Variants in RCOR1 observed in about 807,000 individuals in gnomAD.
RCOR1 encodes REST corepressor 1.
RCOR1 carries 12 observed loss-of-function variants against 64.0 expected under a neutral mutation model. The ratio of observed to expected loss-of-function variants is 0.19; its 90% CI spans 0.12 to 0.30. RCOR1 has a LOEUF of 0.30. Among genes scored for constraint, RCOR1 ranks in the 10% least tolerant of loss-of-function variants. The pLI, the probability that RCOR1 is intolerant of heterozygous loss-of-function variation, is 1.00. For synonymous variants in RCOR1, 279 were observed against 227.2 expected (o/e 1.23, Z -2.05); for missense variants, 502 against 621.2 (o/e 0.81, Z 2.04).
At chr14:102,603,133 G>A (rs1002591281) in intron 2 of RCOR1, among the ~76,000 whole-genome samples, 1 of 151,638 alleles carries the variant, frequency 6.6e-6, no homozygotes, top group African/African-American at 2.4e-5. Flanking sequence ...AGGCTGGAGT[G>A]CAGTGGCGTG....
intron 3 of RCOR1, among the ~76,000 whole-genome samples, chr14:102,699,339 G>A (rs1286353772): frequency 1.3e-5 from 2 of 152,182 alleles, no homozygotes; most frequent in Non-Finnish European, 2.9e-5. Flanking sequence ...TCGGAAATTA[G>A]TGGCTTAGTA....
intron 2 of RCOR1, among the ~76,000 whole-genome samples, chr14:102,635,008 T>C (rs907429104): frequency 6.6e-6 from 1 of 151,624 alleles, no homozygotes; most frequent in Non-Finnish European, 1.5e-5. Flanking sequence ...ATGCCTGGCC[T>C]TTTTTTAAAG....
intron 2 of RCOR1, among the ~76,000 whole-genome samples, chr14:102,673,842 C>T (rs1261509534): frequency 1.3e-5 from 2 of 152,040 alleles, no homozygotes; most frequent in African/African-American, 2.4e-5. Flanking sequence ...CTCGAACTCC[C>T]GACTTCAGGT....
At chr14:102,599,431 CATT>C (rs1222532497) in intron 2 of RCOR1, among the ~76,000 whole-genome samples, 1 of 152,082 alleles carries the variant, frequency 6.6e-6, no homozygotes, top group Non-Finnish European at 1.5e-5. Flanking sequence ...CGTGTTCAGC[CATT>C]ATTATTACTA....
At chr14:102,597,069 C>T (rs1401642279) in intron 2 of RCOR1, among the ~76,000 whole-genome samples, 1 of 151,720 alleles carries the variant, frequency 6.6e-6, no homozygotes, top group African/African-American at 2.4e-5. Context: ...GACGGGGTTT[C>T]ACCATATTGG....
intron 2 of RCOR1, among the ~76,000 whole-genome samples, chr14:102,593,752 A>G (rs1441914689): frequency 2.6e-5 from 4 of 152,064 alleles, no homozygotes; most frequent in Non-Finnish European, 5.9e-5. Flanking sequence ...ACCCTTCCCA[A>G]AGGCTGCTCC....
At chr14:102,642,532 A>G (rs1894390267) in intron 2 of RCOR1, among the ~76,000 whole-genome samples, 1 of 152,160 alleles carries the variant, frequency 6.6e-6, no homozygotes, top group African/African-American at 2.4e-5. Context: ...TAATAGTTAA[A>G]CTTGTTCAGA....
chr14:102,723,325 C>G lies in RCOR1; in HGVS notation c.1419+909C>G, dbSNP rs542709109. On this transcript the variant is annotated intron_variant, in intron 11 of 11. Transcript: ENST00000262241. ...TCTGGAAACAGCCCAGAAGGCCCCT[C>G]CTGACCTGAGCATGGAAGTACCTCG... is the stretch of plus-strand genomic sequence containing the variant. Among the ~76,000 whole-genome samples the G allele has an allele frequency of 3.9e-5, 6 of 152,352 alleles. No individual in the cohort carries two copies. The East Asian group carries it at 1.2e-3, about 29-fold the overall frequency.
chr14:102,633,571 G>A (rs1164559308), intron 2 of RCOR1, among the ~76,000 whole-genome samples: 2 of 151,854 alleles, frequency 1.3e-5, no homozygotes, highest in African/African-American at 4.8e-5. Context: ...ACGGAGTTTT[G>A]CTCTGTCACC....
At chr14:102,665,396 T>C (rs1000982111) in intron 2 of RCOR1, among the ~76,000 whole-genome samples, 1 of 151,798 alleles carries the variant, frequency 6.6e-6, no homozygotes, top group African/African-American at 2.4e-5. Context: ...TCTGAGCATG[T>C]TTAAGGTAGG....
At chr14:102,663,802 G>T (rs1193591188) in intron 2 of RCOR1, among the ~76,000 whole-genome samples, 1 of 152,186 alleles carries the variant, frequency 6.6e-6, no homozygotes, top group East Asian at 1.9e-4. Context: ...TTTGACGATC[G>T]TATGTGGCGA....
At chr14:102,711,353 G>A (rs1933257660) in intron 7 of RCOR1, among the ~76,000 whole-genome samples, 1 of 152,306 alleles carries the variant, frequency 6.6e-6, no homozygotes, top group Non-Finnish European at 1.5e-5. Context: ...CTCCATTCAC[G>A]CTATAGATGC....
intron 2 of RCOR1, among the ~76,000 whole-genome samples, chr14:102,607,736 G>A (rs572696501): frequency 6.6e-6 from 1 of 152,298 alleles, no homozygotes; most frequent in Non-Finnish European, 1.5e-5. Context: ...ATAAAAATTA[G>A]CCGGGTGTGG....
intron 2 of RCOR1, chr14:102,658,686 A>T: frequency 2.2e-6 from 2 of 895,326 alleles, no homozygotes; most frequent in Non-Finnish European, 2.7e-6. Flanking sequence ...ACCAACACTG[A>T]TACATTACTA....
chr14:102,633,731 G>A (rs1396489638), intron 2 of RCOR1, among the ~76,000 whole-genome samples: 1 of 151,690 alleles, frequency 6.6e-6, no homozygotes, highest in Non-Finnish European at 1.5e-5. Flanking sequence ...TAGAGACAGG[G>A]TTTCACCATG....
intron 2 of RCOR1, among the ~76,000 whole-genome samples, chr14:102,634,913 G>C (rs1460719315): frequency 6.7e-6 from 1 of 149,790 alleles, no homozygotes; most frequent in Admixed American, 6.7e-5. Flanking sequence ...TCACCACGTT[G>C]GTCAGGCTGG....
chr14:102,605,738 A>G (rs1893493267), intron 2 of RCOR1, among the ~76,000 whole-genome samples: 1 of 152,140 alleles, frequency 6.6e-6, no homozygotes, highest in East Asian at 1.9e-4. Context: ...TTTGCTGTAA[A>G]ACAGCCTCAG....
intron 2 of RCOR1, among the ~76,000 whole-genome samples, chr14:102,617,187 A>G (rs1417295579): frequency 6.6e-6 from 1 of 152,254 alleles, no homozygotes; most frequent in Non-Finnish European, 1.5e-5. Flanking sequence ...GTCTAAATGC[A>G]TGCAGTTTTT....
At chr14:102,617,972 CTTTTTT>C (rs71305077) in intron 2 of RCOR1, among the ~76,000 whole-genome samples, 1 of 122,528 alleles carries the variant, frequency 8.2e-6, no homozygotes, top group Non-Finnish European at 1.7e-5. Flanking sequence ...TTTTTTTTTT[CTTTTTT>C]TTTTTTTTTT....
Sources: allele counts gnomAD v4.1 joint callset (sites outside exome capture counted in the v4.1 genomes callset), GRCh38; gene constraint gnomAD v4.1.1; transcripts MANE v1.5; gene names NCBI Gene and HGNC (gene_info 2026-07-23, HGNC 2026-07-21).